Variants in SHCBP1L observed in about 807,000 individuals in gnomAD.
The protein encoded by SHCBP1L is SHC binding and spindle associated 1 like, also known as testicular spindle-associated protein SHCBP1L.
Under a neutral mutation model 62.5 loss-of-function variants are expected in SHCBP1L, and 67 were observed. That is an observed-to-expected ratio of 1.07 (90% CI 0.88 to 1.31). The LOEUF is 1.31. Ranked by LOEUF, SHCBP1L falls within the 40% of genes most tolerant of loss-of-function variation. The pLI is 0.00. For synonymous variants in SHCBP1L, 284 were observed against 289.4 expected, an observed-to-expected ratio of 0.98 and a Z score of 0.19; for missense variants, 823 against 809.8, an observed-to-expected ratio of 1.02 and a Z score of -0.20.
intron 5 of SHCBP1L, among the ~76,000 whole-genome samples, chr1:182,935,769 CT>C (rs1327497203): frequency 6.6e-6 from 1 of 152,072 alleles, no homozygotes; most frequent in East Asian, 1.9e-4. Context: ...CCTTTTTGTC[CT>C]GATAATTGTC....
intron 6 of SHCBP1L, among the ~76,000 whole-genome samples, chr1:182,911,483 A>T (rs144674063): frequency 6.6e-6 from 1 of 152,312 alleles, no homozygotes; most frequent in East Asian, 1.9e-4. Flanking sequence ...ACCATGACCC[A>T]TTCACAGGAA....
At chr1:182,940,240 A>G (rs1049046589) in intron 3 of SHCBP1L, 89 bp downstream of exon 3, 1 of 1,039,320 alleles carries the variant, frequency 9.6e-7, no homozygotes, top group African/African-American at 1.6e-5. Context: ...TAAATCAGTA[A>G]GTGCTTGTAA....
chr1:182,924,893 A>AG (rs1650666983), intron 6 of SHCBP1L, among the ~76,000 whole-genome samples: 1 of 120,972 alleles, frequency 8.3e-6, no homozygotes, highest in African/African-American at 4.2e-5. Context: ...GGGAAAGACA[A>AG]AGAGAGAGAG....
intron 1 of SHCBP1L, chr1:182,951,950 T>A (rs1478908991): frequency 5.6e-6 from 2 of 355,058 alleles, no homozygotes; most frequent in South Asian, 2.0e-5. Flanking sequence ...AGGTCGGGAG[T>A]TCGAGTCCAG....
In SHCBP1L at chr1:182,904,372, C is replaced by T. The variant is rs750050155; in HGVS notation, c.1395G>A (p.Val465=). The change falls in exon 8 of 10, where the codon GTG becomes GTA. Residue 465 remains valine (V), a synonymous_variant. Transcript: ENST00000367547. ...ITSEPSRDSF[V]VSKADNVKLM... ...GTTTCACATTGTCAGCTTTGGACACCACAAAACTGTCACGAGAAGGTTCAG... is the reference window on the plus strand; with the variant it reads ...GTTTCACATTGTCAGCTTTGGACACTACAAAACTGTCACGAGAAGGTTCAG... 1.9e-6 allele frequency: 3 copies of T among 1,614,118 alleles called. No individual in the cohort carries two copies. In the South Asian group the frequency reaches 3.3e-5, roughly 18 times the overall value.
At chr1:182,922,565 A>AG (rs941706166) in intron 6 of SHCBP1L, among the ~76,000 whole-genome samples, 2 of 152,004 alleles carry the variant, frequency 1.3e-5, no homozygotes, top group African/African-American at 4.8e-5. Context: ...AAAAAAAAAA[A>AG]AAGAAAGAAA....
chr1:182,930,719 A>G (rs1650966224), intron 5 of SHCBP1L, among the ~76,000 whole-genome samples: 2 of 97,484 alleles, frequency 2.1e-5, no homozygotes, highest in African/African-American at 8.2e-5. Flanking sequence ...ATATATATAT[A>G]TATATGTATT....
intron 6 of SHCBP1L, among the ~76,000 whole-genome samples, chr1:182,915,650 T>C (rs545210472): frequency 6.6e-6 from 1 of 152,230 alleles, no homozygotes; most frequent in East Asian, 1.9e-4. Context: ...TCTTCTGGAA[T>C]GCATATGGAA....
At chr1:182,927,468 C>T (rs997747684) in intron 6 of SHCBP1L, among the ~76,000 whole-genome samples, 1 of 152,106 alleles carries the variant, frequency 6.6e-6, no homozygotes, top group East Asian at 1.9e-4. Flanking sequence ...GTCAGGAGAT[C>T]GAGACCATCC....
At chr1:182,921,041 T>C (rs778671860) in intron 6 of SHCBP1L, among the ~76,000 whole-genome samples, 2 of 151,982 alleles carry the variant, frequency 1.3e-5, no homozygotes, top group Admixed American at 6.6e-5. Context: ...TATGAGATAC[T>C]ATACAAAATG....
At chr1:182,952,598 T>C (rs1651814178) in intron 1 of SHCBP1L, 131 bp downstream of exon 1, 1 of 1,081,008 alleles carries the variant, frequency 9.3e-7, no homozygotes, top group African/African-American at 1.7e-5. Flanking sequence ...TTGACTCCAT[T>C]TACTTTTTTG....
chr1:182,930,844 G>C (rs2101943258), intron 5 of SHCBP1L, among the ~76,000 whole-genome samples: 1 of 135,646 alleles, frequency 7.4e-6, no homozygotes, highest in East Asian at 2.3e-4. Flanking sequence ...TCCCACCTCA[G>C]CCTCCCCAGT....
In SHCBP1L at chr1:182,900,026, A is replaced by G; in HGVS notation, c.1919T>C (p.Ile640Thr). The change falls in exon 10 of 10, where the codon ATA (isoleucine) becomes ACA (threonine). Residue 640 changes from isoleucine to threonine, a missense_variant. Coordinates refer to ENST00000367547, the MANE Select transcript of SHCBP1L (RefSeq NM_030933.4). ...NLNLEMNNNK[I>T]EANVKGDIRI... is the part of the protein sequence containing the mutation. ...GATATCCCCCTTGACGTTTGCTTCT[A>G]TCTTATTATTATTCATTTCCAGATT... 4 of 1,613,008 alleles carry G rather than the reference A, an allele frequency of 2.5e-6. No homozygotes were observed. Among genetic ancestry groups the G allele is most frequent in the Non-Finnish European group, 3.4e-6 (4 of 1,179,484 alleles).
chr1:182,919,889 A>T (rs1387563896), intron 6 of SHCBP1L, among the ~76,000 whole-genome samples: 2 of 152,150 alleles, frequency 1.3e-5, no homozygotes, highest in Admixed American at 1.3e-4. Flanking sequence ...GGATCCACAC[A>T]GCCTCCCCCT....
At position 182,903,050 on chromosome 1, in the gene SHCBP1L, C is replaced by T. The variant is rs769657823; in HGVS notation, c.1699G>A (p.Val567Ile). ...AAATAAGAGAATACCTTCATATTAA[C>T]TCCACCTAAGGTGCTTTTTGAACTG... ...SNSSKSTLGG[V>I]NMKVLPAPKL... The change falls in exon 9 of 10, where the codon GTT becomes ATT. Residue 567 changes from valine to isoleucine, a missense_variant. Physicochemically the swap from Val to Ile is conservative, Grantham distance 29 (BLOSUM62 3). Transcript: ENST00000367547. 2 of 1,583,884 alleles carry T rather than the reference C, an allele frequency of 1.3e-6. No homozygotes were observed. The highest frequency in any genetic ancestry group is 4.6e-5 in the East Asian group (2 of 43,926).
At chr1:182,920,874 A>G (rs1319025019) in intron 6 of SHCBP1L, among the ~76,000 whole-genome samples, 1 of 152,180 alleles carries the variant, frequency 6.6e-6, no homozygotes, top group Non-Finnish European at 1.5e-5. Flanking sequence ...TCTGACAAAT[A>G]TGGGATTATG....
At chr1:182,906,160 T>G (rs1454228809) in intron 6 of SHCBP1L, among the ~76,000 whole-genome samples, 1 of 152,052 alleles carries the variant, frequency 6.6e-6, no homozygotes, top group Non-Finnish European at 1.5e-5. Context: ...GCTCTTAAAC[T>G]CCTGACCTCA....
chr1:182,921,641 C>T (rs1650532969), intron 6 of SHCBP1L, among the ~76,000 whole-genome samples: 1 of 152,234 alleles, frequency 6.6e-6, no homozygotes. Context: ...CGTGGTGGCT[C>T]ACACCTATAA....
At chr1:182,951,147 G>C (rs574887966) in intron 2 of SHCBP1L, among the ~76,000 whole-genome samples, 171 bp downstream of exon 2, 6 of 152,146 alleles carry the variant, frequency 3.9e-5, no homozygotes, top group African/African-American at 1.4e-4. Flanking sequence ...ATGGTTTACA[G>C]GCACTAATAT....
Sources: gnomAD v4.1 joint callset for allele counts (sites outside exome capture counted in the v4.1 genomes callset) on GRCh38, gnomAD v4.1.1 for gene constraint, MANE v1.5 for transcripts, NCBI Gene and HGNC (gene_info 2026-07-23, HGNC 2026-07-21) for gene names.